KCNQ1: variants seen among roughly 807,000 people sequenced by gnomAD.
KCNQ1 encodes the protein potassium voltage-gated channel subfamily KQT member 1.
In KCNQ1, 49 loss-of-function variants were observed where a neutral mutation model predicts 72.4. The ratio of observed to expected loss-of-function variants is 0.68; its 90% CI spans 0.54 to 0.86. The LOEUF (loss-of-function observed/expected upper bound fraction) is 0.86, where lower values mean the gene tolerates loss of function less well. Ranked by LOEUF, KCNQ1 falls within the 40% of genes least tolerant of loss-of-function variation. The pLI is 0.00. For synonymous variants in KCNQ1, 450 were observed against 412.6 expected (o/e 1.09, Z -1.10); for missense variants, 790 against 945.1 (o/e 0.84, Z 2.15).
At chr11:2,501,718 C>CAAAAAAAAAAAAAAAAAAAAAAAAA (rs55865890) in intron 1 of KCNQ1, among the ~76,000 whole-genome samples, 1 of 68,888 alleles carries the variant, frequency 1.5e-5, no homozygotes, top group Non-Finnish European at 2.9e-5. Flanking sequence ...AAAGATACAT[C>CAAAAAAAAAAAAAAAAAAAAAAAAA]AAAAAAAAAA....
intron 15 of KCNQ1, among the ~76,000 whole-genome samples, chr11:2,786,838 A>T (rs552160864): frequency 6.6e-6 from 1 of 151,712 alleles, no homozygotes; most frequent in South Asian, 2.1e-4. Flanking sequence ...AAATATGGCT[A>T]TTCTATATTG....
chr11:2,697,285 C>T lies in KCNQ1; in HGVS notation c.1514+35204C>T, dbSNP rs58129562. The T allele has an allele frequency of 4.4e-3, 1,764 of 398,518 alleles. 31 individuals carry two copies. The highest frequency in any genetic ancestry group is 0.037 in the Admixed American group (840 of 22,724). 24.7% of individuals were successfully genotyped at this position (398,518 alleles called of 1,614,324 possible). On this transcript the variant is annotated intron_variant, in intron 11 of 15. Coordinates refer to ENST00000155840, the MANE Select transcript of KCNQ1 (RefSeq NM_000218.3). ...AATAACTTTTAAGAATACAACAAGT[C>T]GTAACACCAAAATGTTTGAGAATCT...
chr11:2,581,140 C>A (rs1001341959), intron 6 of KCNQ1, among the ~76,000 whole-genome samples: 1 of 152,224 alleles, frequency 6.6e-6, no homozygotes, highest in Admixed American at 6.5e-5. Context: ...AGGGGCCCTC[C>A]GAGCTCAAGG....
At chr11:2,646,206 G>A (rs1849663068) in intron 10 of KCNQ1, 1 of 398,618 alleles carries the variant, frequency 2.5e-6, no homozygotes, top group Non-Finnish European at 4.4e-6. Flanking sequence ...TTTTGTGGAG[G>A]AGGTGAGTGC....
intron 1 of KCNQ1, among the ~76,000 whole-genome samples, chr11:2,454,826 A>T (rs943475274): frequency 1.3e-5 from 2 of 152,212 alleles, no homozygotes; most frequent in African/African-American, 4.8e-5. Flanking sequence ...GAATGGGTAA[A>T]AGCGAGACAC....
chr11:2,666,124 C>T (rs1014192564), intron 11 of KCNQ1: 1 of 398,560 alleles, frequency 2.5e-6, no homozygotes, highest in East Asian at 3.6e-5. Flanking sequence ...TGAAGGGCCC[C>T]TGTCTCTTCT....
intron 6 of KCNQ1, among the ~76,000 whole-genome samples, chr11:2,580,890 G>A (rs1448004067): frequency 6.6e-6 from 1 of 152,258 alleles, no homozygotes; most frequent in East Asian, 1.9e-4. Context: ...GCACGTGCCA[G>A]CCAGGCAGAC....
Position 2,592,002 on chromosome 11 carries a change from G to A in KCNQ1, c.1393+3148G>A, listed in dbSNP as rs532695024. On this transcript the variant is annotated intron_variant, in intron 10 of 15. Transcript: ENST00000155840. This position sits in a 1 kb window ranked among gnomAD's most constrained non-coding sequence, Gnocchi z 5.2. Reference sequence around the variant, plus strand: ...GGGGAAGCCCCACAGCCCCACTCCCGCAAGGCGGGTACGAACAGCCACACT... The same window carrying A: ...GGGGAAGCCCCACAGCCCCACTCCCACAAGGCGGGTACGAACAGCCACACT... Among the ~76,000 whole-genome samples the A allele has an allele frequency of 2.8e-4, 42 of 152,358 alleles. No individual in the cohort carries two copies. The highest frequency in any genetic ancestry group is 6.5e-4 in the Admixed American group (10 of 15,312).
At chr11:2,646,832 G>T in intron 10 of KCNQ1, 1 of 398,546 alleles carries the variant, frequency 2.5e-6, no homozygotes, top group East Asian at 3.6e-5. Context: ...ATTTTTGTTT[G>T]TTGATTTTTT....
chr11:2,519,247 AC>A (rs1300721506), intron 1 of KCNQ1, among the ~76,000 whole-genome samples: 3 of 152,016 alleles, frequency 2.0e-5, no homozygotes, highest in Non-Finnish European at 2.9e-5. Flanking sequence ...GGGAATCACC[AC>A]CCCCAGCTCC....
At chr11:2,646,299 A>G (rs1849664245) in intron 10 of KCNQ1, 1 of 398,376 alleles carries the variant, frequency 2.5e-6, no homozygotes, top group South Asian at 1.3e-4. Context: ...GCTATAGGTA[A>G]ATATGATCAT....
intron 1 of KCNQ1, among the ~76,000 whole-genome samples, chr11:2,519,282 C>T (rs1315242988): frequency 2.6e-5 from 4 of 152,206 alleles, no homozygotes; most frequent in East Asian, 1.9e-4. Context: ...TGACAGGGTT[C>T]GGGTGATGCC....
intron 11 of KCNQ1, among the ~76,000 whole-genome samples, chr11:2,701,426 C>G (rs1301771343): frequency 6.6e-6 from 1 of 152,146 alleles, no homozygotes; most frequent in Non-Finnish European, 1.5e-5. Flanking sequence ...TGTGTCTGAT[C>G]AGAGGGCGCA....
intron 11 of KCNQ1, chr11:2,697,720 C>A: frequency 2.5e-6 from 1 of 398,588 alleles, no homozygotes; most frequent in East Asian, 3.6e-5. Flanking sequence ...AGAGCAATCC[C>A]ACTTGTTTAA....
In KCNQ1 at chr11:2,683,960, CTT is replaced by C. The variant is rs560196106; in HGVS notation, c.1514+21892_1514+21893del. ...AGACAAAACCAGCTGACTGCTTTTA[CTT>C]TTTTTTTTTTTTCATTTAGAAGAAT... On this transcript the variant is annotated intron_variant, in intron 11 of 15. Transcript: ENST00000155840. This position sits in a 1 kb window ranked among gnomAD's most constrained non-coding sequence, Gnocchi z 4.7. 9 of 382,914 alleles carry C rather than the reference CTT, an allele frequency of 2.4e-5. No individual in the cohort carries two copies. The highest frequency in any genetic ancestry group is 1.4e-4 in the South Asian group (1 of 7,392). 23.7% of individuals were successfully genotyped at this position (382,914 alleles called of 1,614,324 possible).
Position 2,626,190 on chromosome 11 carries a change from T to G in KCNQ1, c.1394-35771T>G, listed in dbSNP as rs758835014. On this transcript the variant is annotated intron_variant, in intron 10 of 15. Coordinates refer to ENST00000155840, the MANE Select transcript of KCNQ1 (RefSeq NM_000218.3). The surrounding 1 kb of genome is among the most constrained non-coding windows in gnomAD (Gnocchi z 4.0). ...TGTTTCCTTATAAGACTTCATAGTT[T>G]TAGGACTTTGACCCATTTTGAGTAA... 7 of 398,506 alleles carry G rather than the reference T, an allele frequency of 1.8e-5. No individual in the cohort carries two copies. Among genetic ancestry groups the G allele is most frequent in the Non-Finnish European group, 3.1e-5 (7 of 226,080 alleles). 24.7% of individuals were successfully genotyped at this position (398,506 alleles called of 1,614,324 possible). A position where few individuals can be genotyped will look rare whatever the true frequency, so the allele number is the denominator to read the frequency against.
chr11:2,706,798 C>G (rs1005668209), intron 11 of KCNQ1, among the ~76,000 whole-genome samples: 1 of 152,220 alleles, frequency 6.6e-6, no homozygotes, highest in Non-Finnish European at 1.5e-5. Context: ...ACCAGTGGCT[C>G]TTAACCTAGG....
chr11:2,792,292 T>A (rs11024104), intron 15 of KCNQ1, among the ~76,000 whole-genome samples: 30,438 of 152,168 alleles, frequency 0.2, 3,365 homozygotes, highest in Admixed American at 0.29. Flanking sequence ...CTGGAGCCCC[T>A]CTGGCCGCCA....
At chr11:2,607,302 T>C (rs1467460661) in intron 10 of KCNQ1, among the ~76,000 whole-genome samples, 1 of 152,170 alleles carries the variant, frequency 6.6e-6, no homozygotes, top group East Asian at 1.9e-4. Context: ...GGAAGGGTGT[T>C]GAATTTTATC....
Sources: allele counts gnomAD v4.1 joint callset (sites outside exome capture counted in the v4.1 genomes callset), GRCh38; gene constraint gnomAD v4.1.1; non-coding constraint Gnocchi (gnomAD v3.1); transcripts MANE v1.5; gene names NCBI Gene and HGNC (gene_info 2026-07-23, HGNC 2026-07-21).